The following ZNF585B variants were observed in gnomAD, a reference collection of about 807,000 sequenced individuals.
ZNF585B encodes zinc finger protein 585B, also known as zinc finger protein 41-like protein.
In ZNF585B, 7 loss-of-function variants were observed where a neutral mutation model predicts 14.0. The ratio of observed to expected loss-of-function variants is 0.50; its 90% confidence interval spans 0.28 to 0.94. The LOEUF (loss-of-function observed/expected upper bound fraction) is 0.94. Among genes scored for constraint, ZNF585B ranks in the 40% least tolerant of loss-of-function variants. ZNF585B has a pLI of 0.09. For synonymous variants in ZNF585B, 290 were observed against 317.3 expected (o/e 0.91, Z 0.91); for missense variants, 750 against 924.4 (o/e 0.81, Z 2.45).
At chr19:37,193,086 G>T (rs1467928547) in intron 2 of ZNF585B, among the ~76,000 whole-genome samples, 1 of 152,100 alleles carries the variant, frequency 6.6e-6, no homozygotes, top group African/African-American at 2.4e-5. Context: ...AGTGAGCCGA[G>T]ATTGCGCCAC....
intron 4 of ZNF585B, 139 bp downstream of exon 4, chr19:37,189,522 T>C: frequency 1.2e-6 from 1 of 848,060 alleles, no homozygotes; most frequent in Non-Finnish European, 1.9e-6. Context: ...CTGAGAGGCA[T>C]CAAGCAATAT....
chr19:37,206,504 A>T (rs1972589109), intron 2 of ZNF585B, among the ~76,000 whole-genome samples: 1 of 152,152 alleles, frequency 6.6e-6, no homozygotes, highest in Non-Finnish European at 1.5e-5. Flanking sequence ...AAAAATTAAA[A>T]CATTAAGTTA....
intron 1 of ZNF585B, among the ~76,000 whole-genome samples, chr19:37,208,695 C>G (rs766357727): frequency 6.6e-6 from 1 of 151,848 alleles, no homozygotes; most frequent in Non-Finnish European, 1.5e-5. Context: ...AAGAAAAACG[C>G]GTCAGAACAA....
In ZNF585B at chr19:37,187,221, G is replaced by T; in HGVS notation, c.316C>A (p.Gln106Lys). The T allele has an allele frequency of 1.2e-6, 2 of 1,608,284 alleles. No individual in the cohort carries two copies. The highest frequency in any genetic ancestry group is 2.2e-5 in the South Asian group (2 of 89,838). Residue 106 changes from glutamine to lysine, a missense_variant, in exon 5 of 5, where the codon CAA becomes AAA. Physicochemically the swap from Gln to Lys is moderately conservative, Grantham distance 53. Around this residue, in one of 2 missense-constraint regions of ZNF585B, gnomAD observed 517 missense variants for 570.3 expected, o/e 0.91. Coordinates refer to ENST00000532828, the MANE Select transcript of ZNF585B (RefSeq NM_152279.4). ...CPGEKLWDHNQHRKIIGYKPA... is the reference protein window; with the variant it reads ...CPGEKLWDHNKHRKIIGYKPA... Reference sequence around the variant, plus strand: ...TTATAACCGATGATTTTTCTATGTTGATTATGGTCCCATAATTTCTCTCCT... The same window carrying T: ...TTATAACCGATGATTTTTCTATGTTTATTATGGTCCCATAATTTCTCTCCT...
At position 37,201,606 on chromosome 19, in the gene ZNF585B, C is replaced by T. The variant is rs530978718; in HGVS notation, c.72+5434G>A. ...AACATAAAATTTTCAAAACAAAAAA[C>T]ACAAAAACCTTTAATGTTATGCCAC... On this transcript the variant is annotated intron_variant, in intron 2 of 4. Coordinates refer to ENST00000532828, the MANE Select transcript of ZNF585B (RefSeq NM_152279.4). Among the ~76,000 whole-genome samples, 4 of 152,162 alleles carry T rather than the reference C, an allele frequency of 2.6e-5. No individual in the cohort carries two copies. In the South Asian group the frequency reaches 8.3e-4, roughly 32 times the overall value.
intron 2 of ZNF585B, among the ~76,000 whole-genome samples, chr19:37,195,067 C>T (rs1243861542): frequency 3.3e-5 from 5 of 151,918 alleles, no homozygotes; most frequent in South Asian, 2.1e-4. Context: ...TACACCTGGC[C>T]GGGCATGATG....
Position 37,186,002 on chromosome 19 carries a change from T to C in ZNF585B, c.1535A>G (p.His512Arg), listed in dbSNP as rs1215387103. The change falls in exon 5 of 5, where the codon CAT becomes CGT. Residue 512 changes from histidine to arginine, a missense_variant. Physicochemically the swap from His to Arg is conservative, Grantham distance 29. Transcript: ENST00000532828. ...AFTQRSDLIT[H>R]QRIHTGEKPY... is the part of the protein sequence containing the mutation. ...CTTCTCCCCAGTATGGATTCTCTGA[T>C]GTGTAATCAAGTCTGACCTCTGGGT... The C allele has an allele frequency of 1.9e-6, 3 of 1,614,012 alleles. No homozygotes were observed. Among genetic ancestry groups the C allele is most frequent in the Non-Finnish European group, 2.5e-6 (3 of 1,180,012 alleles).
chr19:37,206,276 A>AC (rs955925403), intron 2 of ZNF585B, among the ~76,000 whole-genome samples: 2 of 151,640 alleles, frequency 1.3e-5, no homozygotes, highest in Admixed American at 1.3e-4. Flanking sequence ...ACACGGAGAA[A>AC]CCCCGTCTCT....
At chr19:37,205,072 A>AT (rs919160755) in intron 2 of ZNF585B, among the ~76,000 whole-genome samples, 17 of 150,738 alleles carry the variant, frequency 1.1e-4, no homozygotes, top group African/African-American at 3.4e-4. Context: ...ATTTAATTAA[A>AT]TTTTTTTTTT....
intron 2 of ZNF585B, chr19:37,199,268 T>G (rs944110990): frequency 2.7e-6 from 1 of 373,766 alleles, no homozygotes; most frequent in Non-Finnish European, 5.1e-6. Flanking sequence ...TGGCCCATGC[T>G]GTAATCCTGG....
rs1351783524 is a variant in ZNF585B at position 37,210,477 on chromosome 19, G to A, written c.-180C>T. On this transcript the variant is annotated 5_prime_UTR_variant, in exon 1 of 5. Coordinates refer to ENST00000532828, the MANE Select transcript of ZNF585B (RefSeq NM_152279.4). ...CAGAGACCTCTCGGCATTAAAACGT[G>A]AAAATAGTCCTGACGCCAGCGGCGA... 6.6e-6 allele frequency: 1 copy of A among 152,226 alleles called. No individual in the cohort carries two copies. The highest frequency in any genetic ancestry group is 2.4e-5 in the African/African-American group (1 of 41,422). 9.4% of individuals were successfully genotyped at this position (152,226 alleles called of 1,614,324 possible). A position where few individuals can be genotyped will look rare whatever the true frequency, so the allele number is the denominator to read the frequency against.
chr19:37,203,908 A>G (rs970259439), intron 2 of ZNF585B, among the ~76,000 whole-genome samples: 2 of 152,094 alleles, frequency 1.3e-5, no homozygotes, highest in African/African-American at 4.8e-5. Flanking sequence ...GATTACAGGC[A>G]TGAGCCACCG....
chr19:37,186,891 A>G lies in ZNF585B; in HGVS notation c.646T>C (p.Cys216Arg), dbSNP rs140814324. ...GGGAAACCTTTCCCACATTCACTAC[A>G]TTCATATAGTTTTTCTCCGGTATGA... ...RIHTGEKLYECSECGKGFPYN... is the reference protein window; with the variant it reads ...RIHTGEKLYERSECGKGFPYN... The change falls in exon 5 of 5, where the codon TGT (cysteine) becomes CGT (arginine). Residue 216 changes from cysteine to arginine, a missense_variant. By Grantham distance (180) the Cys-to-Arg change is radical. Around this residue, in one of 2 missense-constraint regions of ZNF585B, gnomAD observed 517 missense variants for 570.3 expected, o/e 0.91. Transcript: ENST00000532828. 1 of 1,613,990 alleles carries G rather than the reference A, an allele frequency of 6.2e-7. No homozygotes were observed. Among genetic ancestry groups the G allele is most frequent in the Admixed American group, 1.7e-5 (1 of 59,988 alleles).
At chr19:37,189,539 T>A in intron 4 of ZNF585B, 122 bp downstream of exon 4, 4 of 1,076,212 alleles carry the variant, frequency 3.7e-6, no homozygotes, top group Non-Finnish European at 5.4e-6. Flanking sequence ...ATATAAAAAA[T>A]TCAGAGCCTT....
chr19:37,186,826 A>G lies in ZNF585B; in HGVS notation c.711T>C (p.Thr237=). The G allele has an allele frequency of 6.2e-7, 1 of 1,614,140 alleles. No individual in the cohort carries two copies. The highest frequency in any genetic ancestry group is 8.5e-7 in the Non-Finnish European group (1 of 1,180,008). ...CAGTGCATTCATGGTGTCTCTCTCCAGTATGAATTTTCTCATGTATACTGA... is the reference window on the plus strand; with the variant it reads ...CAGTGCATTCATGGTGTCTCTCTCCGGTATGAATTTTCTCATGTATACTGA... ...SDLSIHEKIH[T]GERHHECTDC... The change falls in exon 5 of 5, where the codon ACT becomes ACC. Residue 237 remains threonine (T), a synonymous_variant. Transcript: ENST00000532828.
chr19:37,189,488 T>C, intron 4 of ZNF585B, 173 bp downstream of exon 4: 1 of 635,826 alleles, frequency 1.6e-6, no homozygotes, highest in Non-Finnish European at 2.7e-6. Context: ...AGGAAGGTCA[T>C]CCAGGTAGAA....
rs532775887 is a variant in ZNF585B, at chr19:37,185,346, A to T, written c.2191T>A (p.Ser731Thr). Residue 731 changes from serine (S) to threonine (T), a missense_variant, in exon 5 of 5, where the codon TCC becomes ACC. Ser to Thr is a moderately conservative substitution (Grantham distance 58). Transcript: ENST00000532828. ...GTTGTCTGATGTTTATTCAAATTGG[A>T]CCTGTTGCTAAAGGCCTTCCCACAC... ...AECGKAFSNR[S>T]NLNKHQTTHT... is the part of the protein sequence containing the mutation. 2 of 1,614,084 alleles carry T rather than the reference A, an allele frequency of 1.2e-6. No homozygotes were observed. The highest frequency in any genetic ancestry group is 8.5e-7 in the Non-Finnish European group (1 of 1,180,024).
In ZNF585B at chr19:37,184,420, AAGAAAGAAAAAGAAAGAAAGAAG is replaced by A. The variant is rs1972299578; in HGVS notation, c.*784_*806del. 4 of 100,404 alleles carry A rather than the reference AAGAAAGAAAAAGAAAGAAAGAAG, an allele frequency of 4.0e-5. No individual in the cohort carries two copies. The highest frequency in any genetic ancestry group is 1.4e-4 in the African/African-American group (3 of 21,644). The allele number at this position is 100,404 out of a possible 1,614,324, so 6.2% of individuals were successfully genotyped here. A position where few individuals can be genotyped will look rare whatever the true frequency, so the allele number is the denominator to read the frequency against. On this transcript the variant is annotated 3_prime_UTR_variant, in exon 5 of 5. Coordinates refer to ENST00000532828, the MANE Select transcript of ZNF585B (RefSeq NM_152279.4). Reference sequence around the variant, plus strand: ...AGAAAGAAAGAAAGAAAGAAAGAGAAAGAAAGAAAAAGAAAGAAAGAAGGAAAGAAAGAAAGAAAGAAAGAAAG... The same window carrying A: ...AGAAAGAAAGAAAGAAAGAAAGAGAAGAAAGAAAGAAAGAAAGAAAGAAAG...
At chr19:37,205,010 A>G (rs1972571262) in intron 2 of ZNF585B, among the ~76,000 whole-genome samples, 1 of 152,118 alleles carries the variant, frequency 6.6e-6, no homozygotes, top group South Asian at 2.1e-4. Context: ...AGCCTCCCAA[A>G]GTGCTGGGAT....
Sources: gnomAD v4.1 joint callset for allele counts (sites outside exome capture counted in the v4.1 genomes callset) on GRCh38, gnomAD v4.1.1 for gene constraint, gnomAD v4.1.1 regional missense constraint, MANE v1.5 for transcripts, NCBI Gene and HGNC (gene_info 2026-07-23, HGNC 2026-07-21) for gene names.